Variants in MARK4 observed in about 807,000 individuals in gnomAD.
MARK4 encodes the protein MAP/microtubule affinity-regulating kinase 4.
In MARK4, 19 loss-of-function variants were observed where a neutral mutation model predicts 81.5. That is an observed-to-expected ratio of 0.23 (90% CI 0.16 to 0.34). The LOEUF (loss-of-function observed/expected upper bound fraction) is 0.34, where lower values mean the gene tolerates loss of function less well. Ranked by LOEUF, MARK4 falls within the 10% of genes least tolerant of loss-of-function variation. MARK4 has a pLI of 1.00. For synonymous variants in MARK4, 436 were observed against 439.0 expected (o/e 0.99, Z 0.08); for missense variants, 772 against 1,058.8 (o/e 0.73, Z 3.76).
chr19:45,270,201 G>A (rs1970507750), intron 7 of MARK4, among the ~76,000 whole-genome samples: 1 of 152,092 alleles, frequency 6.6e-6, no homozygotes, highest in Admixed American at 6.6e-5. Context: ...CCACAACCAC[G>A]CTTGAGGCAG....
At chr19:45,279,427 G>T (rs916386488) in intron 10 of MARK4, among the ~76,000 whole-genome samples, 2 of 152,192 alleles carry the variant, frequency 1.3e-5, no homozygotes, top group African/African-American at 4.8e-5. Context: ...TGAGGCACGA[G>T]AATTGCTTGA....
chr19:45,277,502 C>T (rs1970613607), intron 8 of MARK4, among the ~76,000 whole-genome samples: 2 of 145,318 alleles, frequency 1.4e-5, no homozygotes, highest in Admixed American at 7.1e-5. Context: ...TGGGTTCAAG[C>T]TATCCTCCTC....
intron 1 of MARK4, among the ~76,000 whole-genome samples, chr19:45,256,644 G>T (rs189987549): frequency 1.5e-4 from 23 of 152,346 alleles, no homozygotes; most frequent in Admixed American, 1.4e-3. Context: ...CTCGAGTCCA[G>T]ATTGAGGTCA....
chr19:45,298,079 T>TCC (rs2123110387), intron 15 of MARK4, 125 bp downstream of exon 15: 1 of 1,496,822 alleles, frequency 6.7e-7, no homozygotes, highest in Non-Finnish European at 9.2e-7. Flanking sequence ...TCCTCCTCGT[T>TCC]TCCTCCTCCT....
At position 45,271,492 on chromosome 19, in the gene MARK4, T is replaced by G. The variant is rs770193332; in HGVS notation, c.570T>G (p.Asp190Glu). The G allele has an allele frequency of 6.2e-7, 1 of 1,614,216 alleles. No homozygotes were observed. The change falls in exon 8 of 17, where the codon GAT becomes GAG. Residue 190 changes from aspartate (D) to glutamate (E), a missense_variant. Asp to Glu is a conservative substitution (Grantham distance 45). Transcript: ENST00000262891. The surrounding 1 kb of genome is among the most constrained non-coding windows in gnomAD (Gnocchi z 4.1). Reference protein sequence around the residue: ...RDLKAENLLLDAEANIKIADF... With the variant: ...RDLKAENLLLEAEANIKIADF... Reference sequence around the variant, plus strand: ...TGCAGGCTGAGAACCTCTTGCTGGATGCCGAGGCCAACATCAAGATTGCTG... The same window carrying G: ...TGCAGGCTGAGAACCTCTTGCTGGAGGCCGAGGCCAACATCAAGATTGCTG...
intron 12 of MARK4, among the ~76,000 whole-genome samples, chr19:45,284,885 G>C (rs969426560): frequency 1.3e-5 from 2 of 152,114 alleles, no homozygotes; most frequent in African/African-American, 4.8e-5. Context: ...GAGGTCAGCA[G>C]TTTGAGAGCA....
At chr19:45,286,301 G>A (rs556221307) in intron 12 of MARK4, among the ~76,000 whole-genome samples, 2 of 151,908 alleles carry the variant, frequency 1.3e-5, no homozygotes, top group South Asian at 2.1e-4. Context: ...TGATCCACCC[G>A]CCTTAGCCTC....
intron 13 of MARK4, 111 bp from the exon 14 acceptor site, chr19:45,294,238 C>G: frequency 1.0e-6 from 1 of 986,460 alleles, no homozygotes; most frequent in South Asian, 1.4e-5. Flanking sequence ...CCTGGGTTCC[C>G]ACATGAGCCC....
intron 2 of MARK4, 100 bp downstream of exon 2, chr19:45,259,289 TGGCCTCAGG>T: frequency 1.5e-6 from 2 of 1,356,542 alleles, no homozygotes; most frequent in Non-Finnish European, 2.0e-6. Flanking sequence ...GTTTGCTTTG[TGGCCTCAGG>T]TAAGTTCCCG....
rs1468687522 is a variant in MARK4, at chr19:45,302,678, G to A, written c.2227G>A (p.Val743Ile). ...CACCGCCCTGGCCTTCCGCACCCTC[G>A]TCACCCGCATCTCCAACGACCTCGA... ...AGTALAFRTL[V>I]TRISNDLEL The change falls in exon 17 of 17, where the codon GTC becomes ATC. Residue 743 changes from valine (V) to isoleucine (I), a missense_variant. Coordinates refer to ENST00000262891, the MANE Select transcript of MARK4 (RefSeq NM_001199867.2). The surrounding 1 kb of genome is among the most constrained non-coding windows in gnomAD (Gnocchi z 4.9). The A allele has an allele frequency of 3.3e-6, 5 of 1,536,902 alleles. No individual in the cohort carries two copies. The highest frequency in any genetic ancestry group is 2.6e-6 in the Non-Finnish European group (3 of 1,147,150).
rs543351999 is a variant in MARK4, at chr19:45,264,442, A to G, written c.356-242A>G. ...CTTGAACCTGGGAGGGTGAGCAGAG[A>G]TCGCGCCATTGCACTCCAGCCTGGG... On this transcript the variant is annotated intron_variant, in intron 4 of 16. Coordinates refer to ENST00000262891, the MANE Select transcript of MARK4 (RefSeq NM_001199867.2). 3.3e-5 allele frequency among the ~76,000 whole-genome samples: 5 copies of G among 150,876 alleles called. No homozygotes were observed. The East Asian group carries it at 9.9e-4, about 30-fold the overall frequency.
chr19:45,269,759 C>T (rs567995713), intron 7 of MARK4, among the ~76,000 whole-genome samples: 16 of 152,318 alleles, frequency 1.1e-4, no homozygotes, highest in African/African-American at 3.8e-4. Context: ...CCTCCCACAG[C>T]TTCTGTTTCC....
chr19:45,299,788 T>A (rs1206604025), intron 15 of MARK4, 23 bp from the exon 16 acceptor site: 1 of 1,584,636 alleles, frequency 6.3e-7, no homozygotes, highest in Non-Finnish European at 8.6e-7. Flanking sequence ...GATTAGACAC[T>A]CTGTCCCCCT....
intron 12 of MARK4, among the ~76,000 whole-genome samples, chr19:45,285,874 A>C (rs181464167): frequency 5.3e-5 from 8 of 152,322 alleles, no homozygotes. Flanking sequence ...GTTCTAAAAC[A>C]GTAGATTCCT....
intron 12 of MARK4, among the ~76,000 whole-genome samples, chr19:45,286,934 G>A (rs1372066312): frequency 6.6e-6 from 1 of 151,996 alleles, no homozygotes; most frequent in Non-Finnish European, 1.5e-5. Flanking sequence ...TTCTGTACTG[G>A]TGCATAAAGT....
chr19:45,270,895 C>T (rs570753611), intron 7 of MARK4, among the ~76,000 whole-genome samples: 5 of 152,308 alleles, frequency 3.3e-5, no homozygotes, highest in Admixed American at 6.5e-5. Flanking sequence ...CTCAGCCTCC[C>T]GAGTAGCTGG....
rs868013380 is a variant in MARK4 at position 45,281,380 on chromosome 19, A to C, written c.1276+646A>C. Among the ~76,000 whole-genome samples the C allele has an allele frequency of 4.4e-4, 25 of 57,426 alleles. 1 individual carries two copies. The highest frequency in any genetic ancestry group is 8.1e-4 in the Non-Finnish European group (22 of 27,102). The allele number at this position is 57,426 out of a possible 152,430, so 37.7% of individuals were successfully genotyped here. A position where few individuals can be genotyped will look rare whatever the true frequency, so the allele number is the denominator to read the frequency against. On this transcript the variant is annotated intron_variant, in intron 12 of 16. Coordinates refer to ENST00000262891, the MANE Select transcript of MARK4 (RefSeq NM_001199867.2). ...TTTCTTTTCTTTCTTTTTTTTTTTG[A>C]GACAGAGTCTCACTCTGTATCCCAG...
intron 1 of MARK4, among the ~76,000 whole-genome samples, chr19:45,253,821 A>G (rs1970274333): frequency 6.6e-6 from 1 of 152,100 alleles, no homozygotes; most frequent in African/African-American, 2.4e-5. Flanking sequence ...TTGGGTTCAC[A>G]TCCTGTTTCT....
intron 13 of MARK4, among the ~76,000 whole-genome samples, chr19:45,289,637 G>A (rs999369657): frequency 6.6e-6 from 1 of 150,960 alleles, no homozygotes; most frequent in Admixed American, 6.6e-5. Context: ...AGGCGTGGTG[G>A]TGCACGCCTG....
Sources: allele counts gnomAD v4.1 joint callset (sites outside exome capture counted in the v4.1 genomes callset), GRCh38; gene constraint gnomAD v4.1.1; non-coding constraint Gnocchi (gnomAD v3.1); transcripts MANE v1.5; gene names NCBI Gene and HGNC (gene_info 2026-07-23, HGNC 2026-07-21).